The following CLEC16A variants were observed in gnomAD, a reference collection of about 807,000 sequenced individuals.
CLEC16A encodes protein CLEC16A.
A neutral mutation model predicts 109.5 loss-of-function variants in CLEC16A; 51 were observed. That is an observed-to-expected ratio of 0.47 (90% CI 0.37 to 0.59). CLEC16A has a LOEUF of 0.59. Among genes scored for constraint, CLEC16A ranks in the 20% least tolerant of loss-of-function variants. The pLI, the probability that CLEC16A is intolerant of heterozygous loss-of-function variation, is 0.00. For missense variants in CLEC16A, 1,339 were observed against 1,394.0 expected, an observed-to-expected ratio of 0.96 and a Z score of 0.63; for synonymous variants, 673 against 564.2, an observed-to-expected ratio of 1.19 and a Z score of -2.73.
chr16:11,129,362 T>A (rs1211413882), intron 22 of CLEC16A, among the ~76,000 whole-genome samples: 2 of 152,220 alleles, frequency 1.3e-5, no homozygotes, highest in South Asian at 4.1e-4. Flanking sequence ...TAGAAAAAAA[T>A]TGATCTTGCA....
rs201524313 is a variant in CLEC16A, at chr16:11,178,538, G to A, written c.3010G>A (p.Val1004Ile). 234 of 1,613,030 alleles carry A rather than the reference G, an allele frequency of 1.5e-4. No homozygotes were observed. Among genetic ancestry groups the A allele is most frequent in the Middle Eastern group, 1.3e-3 (8 of 6,062 alleles). The change falls in exon 24 of 24, where the codon GTC becomes ATC. Residue 1004 changes from valine (V) to isoleucine (I), a missense_variant. By Grantham distance (29) the Val-to-Ile change is conservative (BLOSUM62 3). Coordinates refer to ENST00000409790, the MANE Select transcript of CLEC16A (RefSeq NM_015226.3). The surrounding 1 kb of genome is among the most constrained non-coding windows in gnomAD (Gnocchi z 6.5). ...CGAGGACACGGCTGACACGCTGAGCGTCGAATCGCTGACCCTTGTCCCCCC... is the reference window on the plus strand; with the variant it reads ...CGAGGACACGGCTGACACGCTGAGCATCGAATCGCTGACCCTTGTCCCCCC... ...LCEDTADTLS[V>I]ESLTLVPPVD... is the part of the protein sequence containing the mutation.
chr16:11,043,883 GAAA>G, intron 15 of CLEC16A, 142 bp from the exon 16 acceptor site: 1 of 450,110 alleles, frequency 2.2e-6, no homozygotes, highest in South Asian at 4.7e-5. Flanking sequence ...CAAGAAAAGG[GAAA>G]AAAAAAAAAC....
Position 11,041,971 on chromosome 16 carries a change from G to A in CLEC16A, c.1661-283G>A, listed in dbSNP as rs1467684055. The A allele has an allele frequency of 8.3e-6, 3 of 361,360 alleles. No homozygotes were observed. The Admixed American group carries it at 1.3e-4, about 16-fold the overall frequency. 22.4% of individuals were successfully genotyped at this position (361,360 alleles called of 1,614,324 possible). ...AGTGGGGGTGCAGGGCCACTTTCCAGGCCTCAACAGTGTTTAGTCACCCTC... is the reference window on the plus strand; with the variant it reads ...AGTGGGGGTGCAGGGCCACTTTCCAAGCCTCAACAGTGTTTAGTCACCCTC... On this transcript the variant is annotated intron_variant, in intron 14 of 23. Coordinates refer to ENST00000409790, the MANE Select transcript of CLEC16A (RefSeq NM_015226.3).
At chr16:11,090,928 C>G (rs146927870) in intron 19 of CLEC16A, among the ~76,000 whole-genome samples, 1 of 151,854 alleles carries the variant, frequency 6.6e-6, no homozygotes, top group East Asian at 1.9e-4. Flanking sequence ...CCTCAGCCTC[C>G]CAAAGTGCTG....
Position 10,985,220 on chromosome 16 carries a change from A to ATATAT in CLEC16A, c.1071+2229_1071+2230insTATAT, listed in dbSNP as rs1555526162. Among the ~76,000 whole-genome samples, 361 of 104,022 alleles carry ATATAT rather than the reference A, an allele frequency of 3.5e-3. 1 individual carries two copies. Among genetic ancestry groups the ATATAT allele is most frequent in the South Asian group, 0.016 (50 of 3,074 alleles). 68.2% of individuals were successfully genotyped at this position (104,022 alleles called of 152,430 possible). On this transcript the variant is annotated intron_variant, in intron 10 of 23. Coordinates refer to ENST00000409790, the MANE Select transcript of CLEC16A (RefSeq NM_015226.3). ...TCCATCTCAAAAAAAAAAAAAAAAAAATATATATATATATATAGTGCCCAT... is the reference window on the plus strand; with the variant it reads ...TCCATCTCAAAAAAAAAAAAAAAAAATATATATATATATATATATATAGTGCCCAT...
chr16:11,158,164 G>A (rs574098633), intron 22 of CLEC16A, among the ~76,000 whole-genome samples: 5 of 152,312 alleles, frequency 3.3e-5, no homozygotes, highest in African/African-American at 9.6e-5. Flanking sequence ...GTTTGTGTGC[G>A]AGGTCACAGG....
intron 19 of CLEC16A, among the ~76,000 whole-genome samples, chr16:11,114,810 C>T (rs78450762): frequency 7.0e-4 from 106 of 152,306 alleles, no homozygotes; most frequent in Non-Finnish European, 1.3e-3. Context: ...TCCTTGATCT[C>T]CCTTGCGGAT....
chr16:11,019,612 TAC>T (rs2045974085), intron 11 of CLEC16A, among the ~76,000 whole-genome samples: 1 of 151,932 alleles, frequency 6.6e-6, no homozygotes, highest in African/African-American at 2.4e-5. Context: ...CTACGAAAAA[TAC>T]AAAAATTAGC....
At chr16:11,084,131 C>T (rs973519867) in intron 19 of CLEC16A, among the ~76,000 whole-genome samples, 1 of 151,962 alleles carries the variant, frequency 6.6e-6, no homozygotes, top group African/African-American at 2.4e-5. Flanking sequence ...CTGAGTGTGT[C>T]CCCTTCAGCT....
chr16:10,955,711 T>C (rs1013586567), intron 1 of CLEC16A, among the ~76,000 whole-genome samples: 36 of 152,182 alleles, frequency 2.4e-4, no homozygotes, highest in African/African-American at 8.2e-4. Flanking sequence ...AGGAGTATGA[T>C]GTGTGATGCT....
chr16:11,169,687 G>T (rs566972263), intron 23 of CLEC16A, among the ~76,000 whole-genome samples: 1 of 152,186 alleles, frequency 6.6e-6, no homozygotes, highest in Non-Finnish European at 1.5e-5. Flanking sequence ...CATAGCTCTA[G>T]CCCACGGTTT....
chr16:11,016,178 A>T (rs1371772089), intron 11 of CLEC16A, among the ~76,000 whole-genome samples: 1 of 147,132 alleles, frequency 6.8e-6, no homozygotes, highest in African/African-American at 2.5e-5. Context: ...CTGCCTAGGG[A>T]ATCATCTTGC....
chr16:10,989,960 G>T (rs75289694), intron 10 of CLEC16A, among the ~76,000 whole-genome samples: 1 of 152,134 alleles, frequency 6.6e-6, no homozygotes, highest in Non-Finnish European at 1.5e-5. Context: ...CACCCCTTCC[G>T]GCCAGGATTA....
intron 13 of CLEC16A, chr16:11,036,089 G>A (rs917355917): frequency 1.3e-5 from 2 of 152,624 alleles, no homozygotes; most frequent in African/African-American, 4.8e-5. Flanking sequence ...CATGGCACTA[G>A]CAGGTCAGTT....
In CLEC16A at chr16:10,966,538, T is replaced by C. The variant is rs536362232; in HGVS notation, c.344-2623T>C. The stretch of plus-strand genomic sequence containing the variant: ...CTGGGCACTTAGGGTTATGTATCTA[T>C]GTGTTTTATACGTAGATATACCCGA... On this transcript the variant is annotated intron_variant, in intron 3 of 23. Transcript: ENST00000409790. Among the ~76,000 whole-genome samples, 184 of 152,330 alleles carry C rather than the reference T, an allele frequency of 1.2e-3. 1 individual carries two copies. Among genetic ancestry groups the C allele is most frequent in the Admixed American group, 2.1e-3 (32 of 15,306 alleles).
At chr16:11,027,549 C>T (rs2046481940) in intron 13 of CLEC16A, 6 of 1,554,164 alleles carry the variant, frequency 3.9e-6, no homozygotes, top group Middle Eastern at 2.3e-4. Flanking sequence ...GATTGAGGAG[C>T]ACCTGGGGAA....
chr16:11,152,879 G>A (rs997008258), intron 22 of CLEC16A, among the ~76,000 whole-genome samples: 2 of 152,118 alleles, frequency 1.3e-5, no homozygotes, highest in South Asian at 2.1e-4. Context: ...GCGTTCGGGC[G>A]CCAGGGGTCA....
Position 11,084,596 on chromosome 16 carries a change from G to C in CLEC16A, c.2116+23574G>C, listed in dbSNP as rs537256949. 4.6e-5 allele frequency among the ~76,000 whole-genome samples: 7 copies of C among 152,228 alleles called. No homozygotes were observed. The South Asian group carries it at 1.5e-3, about 32-fold the overall frequency. ...ACAGACATCTGACACACTTTGCGTG[G>C]GTCTCTTTCTCCACAGAGAAGTTGG... On this transcript the variant is annotated intron_variant, in intron 19 of 23. Coordinates refer to ENST00000409790, the MANE Select transcript of CLEC16A (RefSeq NM_015226.3).
At chr16:11,024,715 TA>T in intron 12 of CLEC16A, 105 bp from the exon 13 acceptor site, 1 of 793,814 alleles carries the variant, frequency 1.3e-6, no homozygotes, top group Non-Finnish European at 2.1e-6. Context: ...AGTTGTGGCC[TA>T]AAGAGCTGTG....
Sources: allele counts gnomAD v4.1 joint callset (sites outside exome capture counted in the v4.1 genomes callset), GRCh38; gene constraint gnomAD v4.1.1; non-coding constraint Gnocchi (gnomAD v3.1); transcripts MANE v1.5; gene names NCBI Gene and HGNC (gene_info 2026-07-23, HGNC 2026-07-21).